The following ITGB8 variants were observed in gnomAD, a reference collection of about 807,000 sequenced individuals.
The protein encoded by ITGB8 is integrin beta-8.
ITGB8 carries 30 observed loss-of-function variants against 89.5 expected under a neutral mutation model. The observed-to-expected ratio is 0.34, with a 90% CI of 0.25 to 0.45. The LOEUF (loss-of-function observed/expected upper bound fraction) is 0.45. Ranked by LOEUF, ITGB8 falls within the 20% of genes least tolerant of loss-of-function variation. The pLI is 1.00. For missense variants in ITGB8, 836 were observed against 933.3 expected (o/e 0.90, Z 1.36); for synonymous variants, 335 against 320.4 (o/e 1.05, Z -0.49).
intron 1 of ITGB8, among the ~76,000 whole-genome samples, chr7:20,359,122 CCTAGGTT>C (rs1729542882): frequency 6.6e-6 from 1 of 152,090 alleles, no homozygotes; most frequent in Admixed American, 6.5e-5. Context: ...TTGAAGGGCA[CCTAGGTT>C]GATTCCATGT....
Position 20,333,308 on chromosome 7 carries a change from C to G in ITGB8, c.127+1375C>G, listed in dbSNP as rs566309636. Among the ~76,000 whole-genome samples the G allele has an allele frequency of 2.0e-5, 3 of 152,112 alleles. No homozygotes were observed. In the East Asian group the frequency reaches 5.8e-4, roughly 29 times the overall value. On this transcript the variant is annotated intron_variant, in intron 1 of 13. Coordinates refer to ENST00000222573, the MANE Select transcript of ITGB8 (RefSeq NM_002214.3). ...TATTTTTTGGCTTGTTTGTTGATTT[C>G]AAAATAGTGAAAAGGCAAAGGAAAA...
intron 9 of ITGB8, 62 bp from the exon 10 acceptor site, chr7:20,401,659 A>T (rs745448372): frequency 1.4e-5 from 14 of 974,990 alleles, no homozygotes; most frequent in South Asian, 2.1e-5. Flanking sequence ...TAACAGATAT[A>T]ATATTGGTAA....
At chr7:20,382,792 T>C (rs1040173623) in intron 6 of ITGB8, among the ~76,000 whole-genome samples, 4 of 152,220 alleles carry the variant, frequency 2.6e-5, no homozygotes, top group African/African-American at 7.2e-5. Context: ...GTTTCAGTTT[T>C]AGTAAGTAAC....
intron 2 of ITGB8, 78 bp from the exon 3 acceptor site, chr7:20,366,934 C>A: frequency 4.3e-6 from 4 of 931,448 alleles, no homozygotes; most frequent in South Asian, 1.7e-5. Context: ...ACCAAAAATG[C>A]AATATTTGCT....
chr7:20,331,860 C>G lies in ITGB8; in HGVS notation c.54C>G (p.Asn18Lys). ...CCGCTGCATTTGTCTGCCTGCAAAA[C>G]GACCGGCGAGGTCCCGCCTCGTTCC... ...FFTAAFVCLQNDRRGPASFLW... is the reference protein window; with the variant it reads ...FFTAAFVCLQKDRRGPASFLW... The change falls in exon 1 of 14, where the codon AAC (asparagine) becomes AAG (lysine). Residue 18 changes from asparagine to lysine, a missense_variant. Physicochemically the swap from Asn to Lys is moderately conservative, Grantham distance 94 (BLOSUM62 0). Coordinates refer to ENST00000222573, the MANE Select transcript of ITGB8 (RefSeq NM_002214.3). The G allele has an allele frequency of 6.2e-7, 1 of 1,614,046 alleles. No individual in the cohort carries two copies. Among genetic ancestry groups the G allele is most frequent in the Non-Finnish European group, 8.5e-7 (1 of 1,180,032 alleles).
chr7:20,380,553 C>A, intron 4 of ITGB8, 113 bp from the exon 5 acceptor site: 3 of 828,706 alleles, frequency 3.6e-6, no homozygotes, highest in Non-Finnish European at 5.8e-6. Flanking sequence ...TAAAGTTTCC[C>A]TGGCACAAAA....
chr7:20,400,578 C>T (rs895253866), intron 9 of ITGB8, among the ~76,000 whole-genome samples: 5 of 151,988 alleles, frequency 3.3e-5, no homozygotes, highest in Admixed American at 6.6e-5. Flanking sequence ...CTCAATCCAA[C>T]GTGAAAGAAA....
At chr7:20,346,935 C>T (rs370649402) in intron 1 of ITGB8, 4 of 784,620 alleles carry the variant, frequency 5.1e-6, no homozygotes, top group African/African-American at 1.9e-5. Flanking sequence ...GTGTTGAAAT[C>T]TAATCATCAA....
At chr7:20,362,950 G>C (rs1785560922) in intron 1 of ITGB8, among the ~76,000 whole-genome samples, 1 of 152,136 alleles carries the variant, frequency 6.6e-6, no homozygotes, top group Non-Finnish European at 1.5e-5. Flanking sequence ...GGAATCTATG[G>C]AAATGTGAAT....
Position 20,367,012 on chromosome 7 carries a change from G to A in ITGB8, c.214G>A (p.Asp72Asn), listed in dbSNP as rs367941451. The change falls in exon 3 of 14, where the codon GAT becomes AAT. Residue 72 changes from aspartate to asparagine, a missense_variant and splice_region_variant. Around this residue, in one of 5 missense-constraint regions of ITGB8, gnomAD observed 182 missense variants for 177.0 expected, o/e 1.03. Coordinates refer to ENST00000222573, the MANE Select transcript of ITGB8 (RefSeq NM_002214.3). Reference sequence around the variant, plus strand: ...CAGTGATTTTCTTTCTTTTAAACAGGATTTCATTTCAGGTGGATCAAGAAG... The same window carrying A: ...CAGTGATTTTCTTTCTTTTAAACAGAATTTCATTTCAGGTGGATCAAGAAG... ...GPECGWCVQE[D>N]FISGGSRSER... The A allele has an allele frequency of 6.8e-5, 109 of 1,602,102 alleles. 1 individual carries two copies. In the Middle Eastern group the frequency reaches 1.8e-3, roughly 27 times the overall value.
intron 6 of ITGB8, among the ~76,000 whole-genome samples, chr7:20,388,124 CA>C (rs1278434362): frequency 2.0e-5 from 3 of 152,160 alleles, no homozygotes; most frequent in African/African-American, 7.2e-5. Flanking sequence ...TCTCTTTACC[CA>C]AAATTGCCCC....
At chr7:20,343,874 C>A (rs1269485987) in intron 1 of ITGB8, among the ~76,000 whole-genome samples, 1 of 152,160 alleles carries the variant, frequency 6.6e-6, no homozygotes, top group Non-Finnish European at 1.5e-5. Context: ...TTTTGAACAT[C>A]TTTTTAATAT....
In ITGB8 at chr7:20,410,524, T is replaced by C. The variant is rs1359963417; in HGVS notation, c.*527T>C. The C allele has an allele frequency of 6.5e-6, 1 of 153,174 alleles. No individual in the cohort carries two copies. The highest frequency in any genetic ancestry group is 1.9e-4 in the East Asian group (1 of 5,204). The allele number at this position is 153,174 out of a possible 1,614,324, so 9.5% of individuals were successfully genotyped here. Reference sequence around the variant, plus strand: ...ATTCGTGTTTCACTCTTTCAAGAGGTGAACAGATACAACCTTAATCTTAAA... The same window carrying C: ...ATTCGTGTTTCACTCTTTCAAGAGGCGAACAGATACAACCTTAATCTTAAA... On this transcript the variant is annotated 3_prime_UTR_variant, in exon 14 of 14. Coordinates refer to ENST00000222573, the MANE Select transcript of ITGB8 (RefSeq NM_002214.3).
chr7:20,364,321 G>A (rs1435207159), intron 2 of ITGB8, among the ~76,000 whole-genome samples: 1 of 152,116 alleles, frequency 6.6e-6, no homozygotes. Flanking sequence ...ATTTACTTAT[G>A]TAGCTCCTGG....
intron 6 of ITGB8, among the ~76,000 whole-genome samples, chr7:20,386,551 C>A (rs1323100620): frequency 6.6e-6 from 1 of 151,750 alleles, no homozygotes; most frequent in African/African-American, 2.4e-5. Flanking sequence ...AGCCACTGCG[C>A]CTGGCCTGAG....
At chr7:20,403,592 G>T (rs1388299624) in intron 10 of ITGB8, among the ~76,000 whole-genome samples, 1 of 152,206 alleles carries the variant, frequency 6.6e-6, no homozygotes, top group African/African-American at 2.4e-5. Context: ...AGCACAGAGG[G>T]CTTGGCCGAC....
chr7:20,331,739 CCCGGGAGGCGCGAGCCCGCGT>C lies in ITGB8; in HGVS notation c.-63_-43del. The C allele has an allele frequency of 2.0e-6, 3 of 1,524,300 alleles. No individual in the cohort carries two copies. Among genetic ancestry groups the C allele is most frequent in the Non-Finnish European group, 2.6e-6 (3 of 1,134,958 alleles). The allele number at this position is 1,524,300 out of a possible 1,614,324, so 94.4% of individuals were successfully genotyped here. A position where few individuals can be genotyped will look rare whatever the true frequency, so the allele number is the denominator to read the frequency against. ...CTCGGCCCGCGGGCCCCGAGGTGCGCCCGGGAGGCGCGAGCCCGCGTCCGGAAGGCAGTCAGGCGGCGGGCG... is the reference window on the plus strand; with the variant it reads ...CTCGGCCCGCGGGCCCCGAGGTGCGCCCGGAAGGCAGTCAGGCGGCGGGCG... On this transcript the variant is annotated 5_prime_UTR_variant, in exon 1 of 14. Coordinates refer to ENST00000222573, the MANE Select transcript of ITGB8 (RefSeq NM_002214.3).
In ITGB8 at chr7:20,413,145, T is replaced by A. The variant is rs1787822265; in HGVS notation, c.*3148T>A. The A allele has an allele frequency of 6.6e-6, 1 of 152,180 alleles. No individual in the cohort carries two copies. The highest frequency in any genetic ancestry group is 1.5e-5 in the Non-Finnish European group (1 of 67,986). The allele number at this position is 152,180 out of a possible 1,614,324, so 9.4% of individuals were successfully genotyped here. On this transcript the variant is annotated 3_prime_UTR_variant, in exon 14 of 14. Coordinates refer to ENST00000222573, the MANE Select transcript of ITGB8 (RefSeq NM_002214.3). ...TGTTATATTTTTGGAAACTTGCTAATATTTATTAAGTCATAGACTTTTCTG... is the reference window on the plus strand; with the variant it reads ...TGTTATATTTTTGGAAACTTGCTAAAATTTATTAAGTCATAGACTTTTCTG...
chr7:20,372,781 C>A (rs1353766524), intron 3 of ITGB8, among the ~76,000 whole-genome samples: 1 of 152,134 alleles, frequency 6.6e-6, no homozygotes, highest in Non-Finnish European at 1.5e-5. Context: ...GTGTGTAAGT[C>A]ATCTTTCCAA....
Sources: gnomAD v4.1 joint callset for allele counts (sites outside exome capture counted in the v4.1 genomes callset) on GRCh38, gnomAD v4.1.1 for gene constraint, gnomAD v4.1.1 regional missense constraint, MANE v1.5 for transcripts, NCBI Gene and HGNC (gene_info 2026-07-23, HGNC 2026-07-21) for gene names.